PCNX2: variants seen among roughly 807,000 people sequenced by gnomAD.
PCNX2 encodes the protein pecanex 2.
A neutral mutation model predicts 223.8 loss-of-function variants in PCNX2; 168 were observed. That is an observed-to-expected ratio of 0.75 (90% confidence interval 0.66 to 0.85). The LOEUF (loss-of-function observed/expected upper bound fraction) is 0.85. Ranked by LOEUF, PCNX2 falls within the 40% of genes least tolerant of loss-of-function variation. PCNX2 has a pLI of 0.00. For synonymous variants in PCNX2, 1,006 were observed against 1,052.6 expected (o/e 0.96, Z 0.86); for missense variants, 2,507 against 2,675.5 (o/e 0.94, Z 1.39).
chr1:233,206,538 A>G (rs2102906817), intron 13 of PCNX2, among the ~76,000 whole-genome samples: 1 of 152,202 alleles, frequency 6.6e-6, no homozygotes, highest in South Asian at 2.1e-4. Context: ...GTTTGTTCCA[A>G]CTGATAGGAC....
At chr1:233,135,227 G>A (rs754120102) in intron 20 of PCNX2, 37 bp from the exon 21 acceptor site, 4 of 1,577,382 alleles carry the variant, frequency 2.5e-6, no homozygotes, top group African/African-American at 1.3e-5. Context: ...ATCAATGACA[G>A]TGTGCACACT....
At chr1:233,103,114 C>T (rs748079612) in intron 21 of PCNX2, among the ~76,000 whole-genome samples, 7 of 151,868 alleles carry the variant, frequency 4.6e-5, no homozygotes, top group Non-Finnish European at 7.4e-5. Flanking sequence ...GTTTTTCCAG[C>T]ATCATTTATA....
chr1:233,167,786 T>A, intron 17 of PCNX2: 5 of 984,632 alleles, frequency 5.1e-6, no homozygotes, highest in Non-Finnish European at 6.0e-6. Flanking sequence ...GAAAGCAGCC[T>A]TTAATAAGCT....
chr1:233,270,124 G>A (rs921532040), intron 1 of PCNX2, among the ~76,000 whole-genome samples: 2 of 152,058 alleles, frequency 1.3e-5, no homozygotes, highest in African/African-American at 4.8e-5. Context: ...TGCCATTCAA[G>A]TATGACTCTT....
chr1:233,202,070 G>C (rs1681147634), intron 13 of PCNX2: 5 of 402,318 alleles, frequency 1.2e-5, no homozygotes, highest in South Asian at 9.6e-5. Flanking sequence ...GAGGTGGAAT[G>C]GGAGGAAGAG....
chr1:233,091,755 A>AT (rs540148620), intron 22 of PCNX2, among the ~76,000 whole-genome samples: 1,698 of 134,440 alleles, frequency 0.013, 12 homozygotes, highest in Middle Eastern at 0.016. Context: ...AAAAATCATG[A>AT]TTTTTTTTTT....
At chr1:233,242,500 T>C (rs1658832733) in intron 8 of PCNX2, among the ~76,000 whole-genome samples, 1 of 152,224 alleles carries the variant, frequency 6.6e-6, no homozygotes, top group Non-Finnish European at 1.5e-5. Flanking sequence ...GCATTTTGCA[T>C]GCATTTCCAT....
At chr1:233,155,001 G>T (rs1678026990) in intron 19 of PCNX2, among the ~76,000 whole-genome samples, 1 of 151,496 alleles carries the variant, frequency 6.6e-6, no homozygotes, top group Admixed American at 6.6e-5. Context: ...CCCAGAGGGT[G>T]GAAGTTGGGT....
chr1:233,204,840 T>C (rs61106678), intron 13 of PCNX2, among the ~76,000 whole-genome samples: 9,486 of 152,244 alleles, frequency 0.062, 655 homozygotes, highest in African/African-American at 0.17. Flanking sequence ...TCACTGTTGA[T>C]AAGCAAACAA....
At chr1:233,084,393 C>A (rs375490520) in intron 23 of PCNX2, among the ~76,000 whole-genome samples, 1 of 152,190 alleles carries the variant, frequency 6.6e-6, no homozygotes, top group Non-Finnish European at 1.5e-5. Context: ...ACAGTACACT[C>A]GCATAGATGA....
chr1:233,278,210 A>T (rs1661012959), intron 1 of PCNX2, among the ~76,000 whole-genome samples: 1 of 152,220 alleles, frequency 6.6e-6, no homozygotes, highest in African/African-American at 2.4e-5. Flanking sequence ...TGCAGCAAGC[A>T]TGTTAAGCCC....
intron 21 of PCNX2, among the ~76,000 whole-genome samples, chr1:233,122,097 C>T (rs964222277): frequency 6.7e-6 from 1 of 149,008 alleles, no homozygotes; most frequent in Non-Finnish European, 1.5e-5. Context: ...CACACACACA[C>T]ACACACACAC....
intron 25 of PCNX2, among the ~76,000 whole-genome samples, chr1:233,036,553 C>T (rs990333938): frequency 1.6e-4 from 24 of 151,842 alleles, no homozygotes; most frequent in African/African-American, 5.6e-4. Context: ...TCGCTTGAAC[C>T]CAGGAGGCAG....
chr1:233,207,407 A>T (rs1287128193), intron 13 of PCNX2, among the ~76,000 whole-genome samples: 1 of 152,188 alleles, frequency 6.6e-6, no homozygotes, highest in African/African-American at 2.4e-5. Context: ...GCTGCCCTTT[A>T]TCAACTCAGC....
At chr1:233,252,965 T>C (rs1431364500) in intron 5 of PCNX2, among the ~76,000 whole-genome samples, 177 bp from the exon 6 acceptor site, 2 of 152,192 alleles carry the variant, frequency 1.3e-5, no homozygotes, top group African/African-American at 4.8e-5. Flanking sequence ...CCTACATATA[T>C]GTGAAAAACA....
chr1:233,270,012 A>G (rs1190453273), intron 1 of PCNX2, among the ~76,000 whole-genome samples: 1 of 152,170 alleles, frequency 6.6e-6, no homozygotes, highest in African/African-American at 2.4e-5. Context: ...CTGCTCATCC[A>G]TTTTATCAAA....
chr1:233,146,057 A>G (rs1460007411), intron 19 of PCNX2, among the ~76,000 whole-genome samples: 1 of 152,202 alleles, frequency 6.6e-6, no homozygotes, highest in Non-Finnish European at 1.5e-5. Context: ...ATAATCAGAA[A>G]TACGGTCCCA....
At chr1:233,018,591 G>A (rs375408153) in intron 26 of PCNX2, among the ~76,000 whole-genome samples, 2 of 152,288 alleles carry the variant, frequency 1.3e-5, no homozygotes, top group African/African-American at 4.8e-5. Context: ...CTGGCCTCAA[G>A]AAATAGAAAT....
intron 12 of PCNX2, among the ~76,000 whole-genome samples, chr1:233,210,063 G>T (rs2102914332): frequency 6.6e-6 from 1 of 152,056 alleles, no homozygotes; most frequent in South Asian, 2.1e-4. Context: ...AAAGTCTTTA[G>T]CCTTTAACAA....
Sources: gnomAD v4.1 joint callset for allele counts (sites outside exome capture counted in the v4.1 genomes callset) on GRCh38, gnomAD v4.1.1 for gene constraint, MANE v1.5 for transcripts, NCBI Gene and HGNC (gene_info 2026-07-23, HGNC 2026-07-21) for gene names.